The following SPOCK1 variants were observed in gnomAD, a reference collection of about 807,000 sequenced individuals.
The protein encoded by SPOCK1 is SPARC (osteonectin), cwcv and kazal like domains proteoglycan 1, also known as testican-1.
SPOCK1 carries 23 observed loss-of-function variants against 55.3 expected under a neutral mutation model. That is an observed-to-expected ratio of 0.42 (90% confidence interval 0.30 to 0.59). The LOEUF (loss-of-function observed/expected upper bound fraction) is 0.59, where lower values mean the gene tolerates loss of function less well. SPOCK1 is among the 20% of genes least tolerant of loss of function. The probability of loss-of-function intolerance (pLI) is 0.22; values close to 1 mark genes in which losing one functional copy is unlikely to be tolerated. For synonymous variants in SPOCK1, 226 were observed against 221.0 expected, an observed-to-expected ratio of 1.02 and a Z score of -0.20; for missense variants, 499 against 552.5, an observed-to-expected ratio of 0.90 and a Z score of 0.97.
At chr5:137,194,528 C>G (rs1309722717) in intron 3 of SPOCK1, among the ~76,000 whole-genome samples, 1 of 152,116 alleles carries the variant, frequency 6.6e-6, no homozygotes, top group East Asian at 1.9e-4. Context: ...CTGGTCTTTG[C>G]TTTCTCAGGA....
rs989921649 is a variant in SPOCK1, at chr5:137,370,316, G to A, written c.187-103261C>T. Among the ~76,000 whole-genome samples, 48 of 152,130 alleles carry A rather than the reference G, an allele frequency of 3.2e-4. 1 individual carries two copies. The highest frequency in any genetic ancestry group is 1.2e-4 in the Non-Finnish European group (8 of 68,020). Reference sequence around the variant, plus strand: ...TCATGCCACGATCAGACAGTCACACGCCGACCGAGTCCGGTGATTTTCCAC... The same window carrying A: ...TCATGCCACGATCAGACAGTCACACACCGACCGAGTCCGGTGATTTTCCAC... On this transcript the variant is annotated intron_variant, in intron 2 of 10. Coordinates refer to ENST00000394945, the MANE Select transcript of SPOCK1 (RefSeq NM_004598.4).
intron 2 of SPOCK1, among the ~76,000 whole-genome samples, chr5:137,327,583 C>T (rs1213528667): frequency 6.6e-6 from 1 of 152,188 alleles, no homozygotes; most frequent in African/African-American, 2.4e-5. Flanking sequence ...TTTCATGAGT[C>T]TTTCAATGGT....
intron 5 of SPOCK1, among the ~76,000 whole-genome samples, chr5:137,071,670 A>G (rs1025303074): frequency 6.6e-6 from 1 of 152,200 alleles, no homozygotes; most frequent in African/African-American, 2.4e-5. Flanking sequence ...AAACTCCATG[A>G]GCAAGTGCGG....
chr5:137,419,930 C>A (rs973763306), intron 2 of SPOCK1, among the ~76,000 whole-genome samples: 6 of 152,160 alleles, frequency 3.9e-5, no homozygotes, highest in African/African-American at 1.4e-4. Context: ...ATGATATTGG[C>A]TGTGGGTTTG....
chr5:137,426,863 C>T (rs541681848), intron 2 of SPOCK1, among the ~76,000 whole-genome samples: 8 of 152,284 alleles, frequency 5.3e-5, no homozygotes, highest in South Asian at 2.1e-4. Context: ...CAGATGCCAA[C>T]GGACTTCCAT....
intron 2 of SPOCK1, among the ~76,000 whole-genome samples, chr5:137,429,088 G>A (rs1197477409): frequency 4.6e-5 from 7 of 152,176 alleles, no homozygotes; most frequent in African/African-American, 1.7e-4. Context: ...TCATGATGCT[G>A]TGAGGATCTG....
chr5:137,087,011 G>A (rs927458006), intron 5 of SPOCK1, among the ~76,000 whole-genome samples: 7 of 152,192 alleles, frequency 4.6e-5, no homozygotes, highest in African/African-American at 1.7e-4. Flanking sequence ...TGTTTTCTGA[G>A]TTCCAATCAA....
chr5:137,457,876 G>T (rs1207195715), intron 2 of SPOCK1, among the ~76,000 whole-genome samples: 1 of 152,146 alleles, frequency 6.6e-6, no homozygotes, highest in African/African-American at 2.4e-5. Context: ...CTGCATATGG[G>T]GGATAAACCA....
In SPOCK1 at chr5:137,112,515, T is replaced by C; in HGVS notation, c.394A>G (p.Asn132Asp). The C allele has an allele frequency of 6.2e-7, 1 of 1,613,818 alleles. No individual in the cohort carries two copies. Among genetic ancestry groups the C allele is most frequent in the Non-Finnish European group, 8.5e-7 (1 of 1,180,012 alleles). The change falls in exon 5 of 11, where the codon AAT (asparagine) becomes GAT (aspartate). Residue 132 changes from asparagine (N) to aspartate (D), a missense_variant. Asn to Asp is a conservative substitution (Grantham distance 23). This residue lies in a region of SPOCK1 where 386 missense variants were observed against 400.6 expected (regional missense o/e 0.96). Transcript: ENST00000394945. The stretch of plus-strand genomic sequence containing the variant: ...GGACAGGGCTTGCACTTGACCAAAT[T>C]CGAAGGTCCAACCCAGTGTTTCTGG... ...VAQKHWVGPS[N>D]LVKCKPCPVA...
intron 3 of SPOCK1, among the ~76,000 whole-genome samples, chr5:137,147,326 T>C (rs189544767): frequency 8.5e-5 from 13 of 152,362 alleles, no homozygotes; most frequent in Non-Finnish European, 1.6e-4. Flanking sequence ...ATGTTCATCT[T>C]AATAATCTGT....
intron 3 of SPOCK1, among the ~76,000 whole-genome samples, chr5:137,158,305 G>A (rs2127048851): frequency 6.6e-6 from 1 of 152,294 alleles, no homozygotes; most frequent in Middle Eastern, 3.4e-3. Flanking sequence ...CCTCCCCTTA[G>A]TCCTTTCACA....
intron 2 of SPOCK1, among the ~76,000 whole-genome samples, chr5:137,365,967 C>CT: frequency 6.6e-6 from 1 of 152,188 alleles, no homozygotes; most frequent in African/African-American, 2.4e-5. Flanking sequence ...TCTGGCAGCA[C>CT]TGGAAAAAAG....
intron 2 of SPOCK1, among the ~76,000 whole-genome samples, chr5:137,270,494 A>T (rs1026172643): frequency 4.6e-5 from 7 of 152,240 alleles, no homozygotes; most frequent in African/African-American, 1.7e-4. Context: ...TCTGGACAGG[A>T]CAGAGAACGG....
At chr5:137,196,633 C>T (rs1755303477) in intron 3 of SPOCK1, among the ~76,000 whole-genome samples, 1 of 152,218 alleles carries the variant, frequency 6.6e-6, no homozygotes, top group Non-Finnish European at 1.5e-5. Flanking sequence ...GGAAGCATTC[C>T]CTGACTGCCT....
At chr5:137,049,050 C>A (rs1752153370) in intron 6 of SPOCK1, among the ~76,000 whole-genome samples, 1 of 140,526 alleles carries the variant, frequency 7.1e-6, no homozygotes, top group Admixed American at 7.3e-5. Context: ...GTAACCCGAC[C>A]TTTCTCTCTG....
intron 3 of SPOCK1, among the ~76,000 whole-genome samples, chr5:137,248,709 A>G (rs1253176992): frequency 6.6e-6 from 1 of 152,226 alleles, no homozygotes; most frequent in Non-Finnish European, 1.5e-5. Context: ...TTACATGTTC[A>G]TCATGCATAT....
chr5:137,175,333 C>T (rs1458564377), intron 3 of SPOCK1, among the ~76,000 whole-genome samples: 1 of 152,114 alleles, frequency 6.6e-6, no homozygotes, highest in African/African-American at 2.4e-5. Flanking sequence ...GCCAGTGAGG[C>T]TTTTGAGTAA....
chr5:137,446,062 C>G (rs73300790), intron 2 of SPOCK1, among the ~76,000 whole-genome samples: 4,240 of 152,230 alleles, frequency 0.028, 203 homozygotes, highest in African/African-American at 0.096. Flanking sequence ...TCTCAGAAAT[C>G]CCTTCCAGCA....
At chr5:137,128,956 A>C (rs1033204690) in intron 4 of SPOCK1, among the ~76,000 whole-genome samples, 1 of 152,240 alleles carries the variant, frequency 6.6e-6, no homozygotes, top group African/African-American at 2.4e-5. Flanking sequence ...TAATGCACAC[A>C]GAACCCTCTA....
Sources: gnomAD v4.1 joint callset for allele counts (sites outside exome capture counted in the v4.1 genomes callset) on GRCh38, gnomAD v4.1.1 for gene constraint, gnomAD v4.1.1 regional missense constraint, MANE v1.5 for transcripts, NCBI Gene and HGNC (gene_info 2026-07-23, HGNC 2026-07-21) for gene names.